The following KCNK17 variants were observed in gnomAD, a reference collection of about 807,000 sequenced individuals.
KCNK17 encodes the protein potassium two pore domain channel subfamily K member 17.
KCNK17 carries 27 observed loss-of-function variants against 24.6 expected under a neutral mutation model. The ratio of observed to expected loss-of-function variants is 1.10; its 90% CI spans 0.81 to 1.51. The LOEUF (loss-of-function observed/expected upper bound fraction) is 1.51. KCNK17 is among the 40% of genes most tolerant of loss of function. KCNK17 has a pLI of 0.00. For missense variants in KCNK17, 450 were observed against 436.6 expected (o/e 1.03, Z -0.27); for synonymous variants, 181 against 189.8 (o/e 0.95, Z 0.38).
chr6:39,311,093 C>A lies in KCNK17; in HGVS notation c.238-86G>T, dbSNP rs1209918854. On this transcript the variant is annotated intron_variant, in intron 1 of 4. Transcript: ENST00000373231. ...AGATGCACACACACACACACACACA[C>A]ACACACACACACACACACACACACA... 15 of 539,004 alleles carry A rather than the reference C, an allele frequency of 2.8e-5. No homozygotes were observed. In the African/African-American group the frequency reaches 3.6e-4, roughly 13 times the overall value. The allele number at this position is 539,004 out of a possible 1,614,324, so 33.4% of individuals were successfully genotyped here. A position where few individuals can be genotyped will look rare whatever the true frequency, so the allele number is the denominator to read the frequency against.
chr6:39,304,095 C>A lies in KCNK17; in HGVS notation c.550G>T (p.Ala184Ser), dbSNP rs139946741. The A allele has an allele frequency of 1.9e-6, 3 of 1,611,088 alleles. No homozygotes were observed. The highest frequency in any genetic ancestry group is 1.1e-5 in the South Asian group (1 of 91,024). ...DKARWLAGSG[A>S]LLSGLLLFLL... ...AAGAGCAGGAGGCCCGAGAGGAGGG[C>A]GCCAGAGCCCGCCAGCCACCGCGCC... Residue 184 changes from alanine to serine, a missense_variant, in exon 4 of 5, where the codon GCC (alanine) becomes TCC (serine). Transcript: ENST00000373231.
At chr6:39,309,082 T>C (rs1762085889) in intron 2 of KCNK17, among the ~76,000 whole-genome samples, 1 of 152,266 alleles carries the variant, frequency 6.6e-6, no homozygotes, top group East Asian at 1.9e-4. Context: ...TCCCAGCACT[T>C]TGGGAGGCCA....
At chr6:39,303,453 A>C (rs892526614) in intron 4 of KCNK17, among the ~76,000 whole-genome samples, 1 of 152,170 alleles carries the variant, frequency 6.6e-6, no homozygotes, top group Non-Finnish European at 1.5e-5. Context: ...CCACTGATTA[A>C]ACCCACCCTG....
At chr6:39,302,854 C>A (rs1253370342) in intron 4 of KCNK17, among the ~76,000 whole-genome samples, 1 of 152,132 alleles carries the variant, frequency 6.6e-6, no homozygotes, top group Non-Finnish European at 1.5e-5. Flanking sequence ...CAGTGTGAGG[C>A]CCCAACACCT....
chr6:39,314,035 C>T (rs766412671), intron 1 of KCNK17, 49 bp downstream of exon 1: 5 of 1,429,680 alleles, frequency 3.5e-6, no homozygotes, highest in Middle Eastern at 1.8e-4. Flanking sequence ...CACCCCGCGG[C>T]CCGCTACCCC....
chr6:39,299,695 A>G lies in KCNK17; in HGVS notation c.731T>C (p.Met244Thr), dbSNP rs1761918024. ...CCCAAAGAGGATCCACAGGGACACC[A>G]TGTTCTTGTACCACAGTGGGTACCT... ...SQRYPLWYKN[M>T]VSLWILFGMA... The change falls in exon 5 of 5, where the codon ATG (methionine) becomes ACG (threonine). Residue 244 changes from methionine to threonine, a missense_variant. Transcript: ENST00000373231. 4 of 1,614,022 alleles carry G rather than the reference A, an allele frequency of 2.5e-6. No individual in the cohort carries two copies. In the African/African-American group the frequency reaches 5.3e-5, roughly 22 times the overall value.
chr6:39,311,110 A>C (rs1762130586), intron 1 of KCNK17, 103 bp from the exon 2 acceptor site: 2 of 576,226 alleles, frequency 3.5e-6, no homozygotes, highest in South Asian at 5.3e-5. Flanking sequence ...ACACACACAC[A>C]CACACACACA....
At position 39,306,756 on chromosome 6, in the gene KCNK17, T is replaced by G. The variant is rs1009433380; in HGVS notation, c.353-2101A>C. 4.0e-4 allele frequency among the ~76,000 whole-genome samples: 59 copies of G among 147,398 alleles called. 1 individual carries two copies. Among genetic ancestry groups the G allele is most frequent in the Non-Finnish European group, 7.8e-4 (53 of 67,542 alleles). ...GGACCTTGGGCAAGTGGCTCGATCT[T>G]TCTTTCTTTGTTTTTTTTTTTTTTT... On this transcript the variant is annotated intron_variant, in intron 2 of 4. Coordinates refer to ENST00000373231, the MANE Select transcript of KCNK17 (RefSeq NM_031460.4).
intron 4 of KCNK17, 121 bp from the exon 5 acceptor site, chr6:39,299,858 A>G: frequency 1.0e-6 from 1 of 1,003,696 alleles, no homozygotes; most frequent in Non-Finnish European, 1.5e-6. Context: ...ATGGGACAGA[A>G]CATGGAGACT....
At chr6:39,305,629 C>T (rs1379180480) in intron 2 of KCNK17, among the ~76,000 whole-genome samples, 2 of 152,232 alleles carry the variant, frequency 1.3e-5, no homozygotes, top group Non-Finnish European at 2.9e-5. Flanking sequence ...ATCACCACCA[C>T]TGTCTTGTCT....
chr6:39,314,251 G>A lies in KCNK17; in HGVS notation c.70C>T (p.Leu24Phe). ...TAAGCCAGGTAGGCGAGCAGCAGGA[G>A]CACGGTGCTGGGCACCGCGCAGCCC... ...VRGCAVPSTV[L>F]LLLAYLAYLA... The change falls in exon 1 of 5, where the codon CTC becomes TTC. Residue 24 changes from leucine (L) to phenylalanine (F), a missense_variant. Leu to Phe is a conservative substitution (Grantham distance 22). Coordinates refer to ENST00000373231, the MANE Select transcript of KCNK17 (RefSeq NM_031460.4). 1 of 1,535,546 alleles carries A rather than the reference G, an allele frequency of 6.5e-7. No individual in the cohort carries two copies.
At chr6:39,309,179 C>T (rs1425775010) in intron 2 of KCNK17, among the ~76,000 whole-genome samples, 2 of 152,208 alleles carry the variant, frequency 1.3e-5, no homozygotes, top group Non-Finnish European at 2.9e-5. Context: ...CAAAAATTAG[C>T]CGGGCATGTT....
At chr6:39,313,556 C>T (rs1762195455) in intron 1 of KCNK17, among the ~76,000 whole-genome samples, 1 of 152,220 alleles carries the variant, frequency 6.6e-6, no homozygotes, top group African/African-American at 2.4e-5. Flanking sequence ...CTCGCTCCTG[C>T]GCATCCTTAG....
rs566450809 is a variant in KCNK17, at chr6:39,304,116, G to T, written c.529C>A (p.Arg177=). 5.6e-6 allele frequency: 9 copies of T among 1,609,210 alleles called. No individual in the cohort carries two copies. In the Admixed American group the frequency reaches 1.0e-4, roughly 18 times the overall value. Residue 177 remains arginine, a synonymous_variant, in exon 4 of 5, where the codon CGG becomes AGG. Transcript: ENST00000373231. Reference sequence around the variant, plus strand: ...AGGGCGCCAGAGCCCGCCAGCCACCGCGCCTTGTCAGGATCCTGTGGGTGC... The same window carrying T: ...AGGGCGCCAGAGCCCGCCAGCCACCTCGCCTTGTCAGGATCCTGTGGGTGC... ...GGTWQDPDKA[R]WLAGSGALLS...
chr6:39,308,728 A>T (rs1295047098), intron 2 of KCNK17, among the ~76,000 whole-genome samples: 1 of 152,238 alleles, frequency 6.6e-6, no homozygotes, highest in Non-Finnish European at 1.5e-5. Flanking sequence ...GGGCTTGGAA[A>T]GTACTGCCCT....
At chr6:39,314,049 C>A in intron 1 of KCNK17, 35 bp downstream of exon 1, 1 of 1,500,356 alleles carries the variant, frequency 6.7e-7, no homozygotes, top group Non-Finnish European at 8.9e-7. Context: ...CTACCCCATC[C>A]CGCCGCGCCC....
At chr6:39,306,522 T>G (rs1177338492) in intron 2 of KCNK17, among the ~76,000 whole-genome samples, 1 of 152,210 alleles carries the variant, frequency 6.6e-6, no homozygotes, top group East Asian at 1.9e-4. Flanking sequence ...CTCCTAGCAC[T>G]GCCTAACATT....
chr6:39,307,350 TC>T (rs1303616605), intron 2 of KCNK17, among the ~76,000 whole-genome samples: 1 of 152,082 alleles, frequency 6.6e-6, no homozygotes, highest in South Asian at 2.1e-4. Flanking sequence ...CCCATCTACC[TC>T]CCCCTCTGGC....
At position 39,314,325 on chromosome 6, in the gene KCNK17, G is replaced by A; in HGVS notation, c.-5C>T. The A allele has an allele frequency of 7.1e-7, 1 of 1,402,840 alleles. No homozygotes were observed. Among genetic ancestry groups the A allele is most frequent in the South Asian group, 1.6e-5 (1 of 63,580 alleles). The allele number at this position is 1,402,840 out of a possible 1,614,324, so 86.9% of individuals were successfully genotyped here. On this transcript the variant is annotated 5_prime_UTR_variant, in exon 1 of 5. Transcript: ENST00000373231. ...CCGGGCTCGCGGTCGGTACATAGCG[G>A]GAGAGGCGGGGAGCCGGCGCCGGGA...
Sources: gnomAD v4.1 joint callset for allele counts (sites outside exome capture counted in the v4.1 genomes callset) on GRCh38, gnomAD v4.1.1 for gene constraint, MANE v1.5 for transcripts, NCBI Gene and HGNC (gene_info 2026-07-23, HGNC 2026-07-21) for gene names.